Variants in SNTG1 observed in about 807,000 individuals in gnomAD.
The protein encoded by SNTG1 is gamma-1-syntrophin.
Under a neutral mutation model 74.7 loss-of-function variants are expected in SNTG1, and 39 were observed. That is an observed-to-expected ratio of 0.52 (90% CI 0.40 to 0.68). The LOEUF (loss-of-function observed/expected upper bound fraction) is 0.68, where lower values mean the gene tolerates loss of function less well. Ranked by LOEUF, SNTG1 falls within the 30% of genes least tolerant of loss-of-function variation. The probability of loss-of-function intolerance (pLI) is 0.00; values close to 1 mark genes in which losing one functional copy is unlikely to be tolerated. For synonymous variants in SNTG1, 254 were observed against 217.1 expected, an observed-to-expected ratio of 1.17 and a Z score of -1.49; for missense variants, 685 against 609.5, an observed-to-expected ratio of 1.12 and a Z score of -1.30.
At chr8:50,636,248 C>T (rs148765615) in intron 13 of SNTG1, among the ~76,000 whole-genome samples, 7 of 151,438 alleles carry the variant, frequency 4.6e-5, no homozygotes, top group African/African-American at 1.7e-4. Context: ...GCCTGGGGTT[C>T]GAGGACAGAT....
intron 2 of SNTG1, among the ~76,000 whole-genome samples, chr8:50,274,639 A>G (rs778473056): frequency 6.6e-6 from 1 of 152,172 alleles, no homozygotes; most frequent in African/African-American, 2.4e-5. Flanking sequence ...ATCTTAGGAT[A>G]AAGACACCTC....
At chr8:49,989,488 C>T (rs1023419592) in intron 1 of SNTG1, among the ~76,000 whole-genome samples, 1 of 151,920 alleles carries the variant, frequency 6.6e-6, no homozygotes, top group African/African-American at 2.4e-5. Flanking sequence ...CCAGGTTTTA[C>T]TATACCTTTC....
At chr8:50,682,218 T>C (rs1422954318) in intron 15 of SNTG1, among the ~76,000 whole-genome samples, 2 of 152,140 alleles carry the variant, frequency 1.3e-5, no homozygotes, top group African/African-American at 4.8e-5. Context: ...CTGATGTAGG[T>C]AGTCCCTACT....
At chr8:49,982,422 T>C (rs980726826) in intron 1 of SNTG1, among the ~76,000 whole-genome samples, 1 of 152,114 alleles carries the variant, frequency 6.6e-6, no homozygotes, top group Non-Finnish European at 1.5e-5. Context: ...AGAATTCTGA[T>C]AGCTAATTTT....
chr8:50,734,785 CTATA>C (rs1241090970), intron 17 of SNTG1, among the ~76,000 whole-genome samples: 1 of 94,960 alleles, frequency 1.1e-5, no homozygotes, highest in South Asian at 3.5e-4. Context: ...ATATAGATAT[CTATA>C]TATATGGACA....
chr8:50,353,288 G>A (rs1458502120), intron 2 of SNTG1, among the ~76,000 whole-genome samples: 1 of 151,218 alleles, frequency 6.6e-6, no homozygotes, highest in Non-Finnish European at 1.5e-5. Flanking sequence ...ATAGCATTAG[G>A]AGATATACCT....
chr8:50,681,133 A>T (rs1487369062), intron 15 of SNTG1, among the ~76,000 whole-genome samples: 1 of 152,172 alleles, frequency 6.6e-6, no homozygotes, highest in South Asian at 2.1e-4. Flanking sequence ...AGACATTAAA[A>T]TTTTATCAAA....
intron 2 of SNTG1, among the ~76,000 whole-genome samples, chr8:50,385,171 C>T (rs1300949962): frequency 6.6e-6 from 1 of 152,158 alleles, no homozygotes; most frequent in African/African-American, 2.4e-5. Context: ...AGTGGTAGAG[C>T]GGCTTGCACA....
chr8:49,951,913 C>T (rs955958343), intron 1 of SNTG1, among the ~76,000 whole-genome samples: 1 of 122,082 alleles, frequency 8.2e-6, no homozygotes, highest in Non-Finnish European at 1.6e-5. Flanking sequence ...AAGAAGTATC[C>T]ATTGAACTCC....
chr8:50,630,513 C>T (rs1297209267), intron 13 of SNTG1, among the ~76,000 whole-genome samples: 1 of 152,122 alleles, frequency 6.6e-6, no homozygotes, highest in Non-Finnish European at 1.5e-5. Flanking sequence ...TTAATTGCTT[C>T]ATCTATAAGA....
intron 2 of SNTG1, among the ~76,000 whole-genome samples, chr8:50,348,664 T>A (rs182513014): frequency 6.6e-6 from 1 of 152,192 alleles, no homozygotes; most frequent in Non-Finnish European, 1.5e-5. Context: ...CTAATAAAGA[T>A]GACTATTTAA....
intron 12 of SNTG1, among the ~76,000 whole-genome samples, chr8:50,581,159 TA>T (rs888881119): frequency 4.0e-4 from 61 of 152,298 alleles, no homozygotes; most frequent in African/African-American, 1.3e-3. Flanking sequence ...CAAGAGCACA[TA>T]AAATTATAAG....
At chr8:50,167,647 A>T (rs1322569656) in intron 1 of SNTG1, among the ~76,000 whole-genome samples, 2 of 151,468 alleles carry the variant, frequency 1.3e-5, no homozygotes, top group Non-Finnish European at 2.9e-5. Flanking sequence ...AAAAAAAAAA[A>T]ATACAAAATA....
intron 12 of SNTG1, among the ~76,000 whole-genome samples, chr8:50,572,534 T>G (rs1218497448): frequency 6.6e-6 from 1 of 152,154 alleles, no homozygotes; most frequent in Admixed American, 6.5e-5. Context: ...TCCTAAGGCA[T>G]TGATTTACTG....
At chr8:50,414,960 A>ACC (rs1431732684) in intron 4 of SNTG1, among the ~76,000 whole-genome samples, 1 of 152,182 alleles carries the variant, frequency 6.6e-6, no homozygotes. Context: ...TGCCTAGGTG[A>ACC]CCACTAGAGG....
At chr8:50,618,541 A>T (rs997714246) in intron 13 of SNTG1, among the ~76,000 whole-genome samples, 1 of 152,236 alleles carries the variant, frequency 6.6e-6, no homozygotes, top group African/African-American at 2.4e-5. Flanking sequence ...CACACATTAC[A>T]TAAGCTCACA....
chr8:50,208,240 C>T (rs1209789057), intron 2 of SNTG1, among the ~76,000 whole-genome samples: 3 of 152,124 alleles, frequency 2.0e-5, no homozygotes, highest in Non-Finnish European at 2.9e-5. Context: ...CTTTATGAAT[C>T]TGTGTGCTCC....
intron 17 of SNTG1, among the ~76,000 whole-genome samples, chr8:50,723,654 T>C (rs2095492996): frequency 6.6e-6 from 1 of 152,192 alleles, no homozygotes; most frequent in African/African-American, 2.4e-5. Flanking sequence ...AAGTTGGAAT[T>C]ATTGCACGTC....
intron 4 of SNTG1, among the ~76,000 whole-genome samples, chr8:50,435,714 G>A (rs1408125752): frequency 6.6e-6 from 1 of 152,166 alleles, no homozygotes; most frequent in Non-Finnish European, 1.5e-5. Context: ...TGAAGAAGCA[G>A]CATCTGGAGA....
Sources: allele counts gnomAD v4.1 joint callset (sites outside exome capture counted in the v4.1 genomes callset), GRCh38; gene constraint gnomAD v4.1.1; transcripts MANE v1.5; gene names NCBI Gene and HGNC (gene_info 2026-07-23, HGNC 2026-07-21).